The following ITGAV variants were observed in gnomAD, a reference collection of about 807,000 sequenced individuals.
The protein encoded by ITGAV is integrin subunit alpha V.
Under a neutral mutation model 143.8 loss-of-function variants are expected in ITGAV, and 76 were observed. That is an observed-to-expected ratio of 0.53 (90% CI 0.44 to 0.64). The LOEUF (loss-of-function observed/expected upper bound fraction) is 0.64, where lower values mean the gene tolerates loss of function less well. Among genes scored for constraint, ITGAV ranks in the 30% least tolerant of loss-of-function variants. ITGAV has a pLI of 0.00. For synonymous variants in ITGAV, 453 were observed against 446.7 expected (o/e 1.01, Z -0.18); for missense variants, 1,193 against 1,274.7 (o/e 0.94, Z 0.98).
At chr2:186,641,981 A>G (rs543829733) in intron 12 of ITGAV, among the ~76,000 whole-genome samples, 5 of 152,302 alleles carry the variant, frequency 3.3e-5, no homozygotes, top group African/African-American at 1.2e-4. Context: ...TTGTCAAGGC[A>G]ATGCTGACTA....
intron 25 of ITGAV, among the ~76,000 whole-genome samples, chr2:186,669,127 C>T (rs527854792): frequency 5.9e-5 from 9 of 152,192 alleles, no homozygotes; most frequent in Middle Eastern, 3.2e-3. Flanking sequence ...TGAACCACAT[C>T]TTCATAGAGT....
intron 21 of ITGAV, among the ~76,000 whole-genome samples, chr2:186,665,611 A>T (rs999841333): frequency 6.6e-6 from 1 of 152,210 alleles, no homozygotes; most frequent in Non-Finnish European, 1.5e-5. Flanking sequence ...CACACAGAGG[A>T]TCAAAGTGAA....
intron 2 of ITGAV, 96 bp downstream of exon 2, chr2:186,602,247 T>C: frequency 2.2e-6 from 2 of 919,712 alleles, no homozygotes; most frequent in Non-Finnish European, 3.3e-6. Flanking sequence ...TACAATTATA[T>C]AGATAAGCAC....
chr2:186,604,983 A>G (rs1687019914), intron 2 of ITGAV, among the ~76,000 whole-genome samples: 1 of 152,190 alleles, frequency 6.6e-6, no homozygotes, highest in Non-Finnish European at 1.5e-5. Flanking sequence ...CACCTGGACT[A>G]TTGCCCTAGA....
chr2:186,631,375 A>AT (rs1377051722), intron 5 of ITGAV, among the ~76,000 whole-genome samples: 1 of 152,172 alleles, frequency 6.6e-6, no homozygotes, highest in Non-Finnish European at 1.5e-5. Flanking sequence ...GGCTCTATGT[A>AT]TTTTTAACTA....
intron 2 of ITGAV, among the ~76,000 whole-genome samples, chr2:186,618,478 A>G (rs1363896492): frequency 6.6e-6 from 1 of 152,226 alleles, no homozygotes; most frequent in Non-Finnish European, 1.5e-5. Flanking sequence ...GATATCCATA[A>G]CTGTTAAGGC....
At position 186,652,428 on chromosome 2, in the gene ITGAV, G is replaced by A. The variant is rs1367239634; in HGVS notation, c.1505+339G>A. Among the ~76,000 whole-genome samples the A allele has an allele frequency of 3.3e-5, 5 of 152,244 alleles. No individual in the cohort carries two copies. In the East Asian group the frequency reaches 9.7e-4, roughly 29 times the overall value. On this transcript the variant is annotated intron_variant, in intron 15 of 29. Coordinates refer to ENST00000261023, the MANE Select transcript of ITGAV (RefSeq NM_002210.5). ...TGGTCTCGAAGACCGCTGTGCTCAA[G>A]CAGTCATCCTGCCTCAGCCTCCTAA...
chr2:186,613,398 A>G (rs556461444), intron 2 of ITGAV, among the ~76,000 whole-genome samples: 2 of 152,206 alleles, frequency 1.3e-5, no homozygotes, highest in Admixed American at 6.5e-5. Flanking sequence ...ATGAATACCA[A>G]TCCCAGTGAA....
At chr2:186,600,713 C>T (rs1234558256) in intron 1 of ITGAV, among the ~76,000 whole-genome samples, 1 of 152,328 alleles carries the variant, frequency 6.6e-6, no homozygotes, top group African/African-American at 2.4e-5. Context: ...AATCCCAGCA[C>T]TTTGGGAGGC....
chr2:186,598,874 G>A (rs1300297826), intron 1 of ITGAV, among the ~76,000 whole-genome samples: 1 of 152,170 alleles, frequency 6.6e-6, no homozygotes, highest in East Asian at 1.9e-4. Context: ...AATAGGGCGT[G>A]GTTTGGTTGG....
intron 1 of ITGAV, among the ~76,000 whole-genome samples, chr2:186,593,163 G>C (rs1272512352): frequency 6.6e-6 from 1 of 152,206 alleles, no homozygotes; most frequent in Non-Finnish European, 1.5e-5. Flanking sequence ...AGGAGCAGTG[G>C]TTGTGACGTC....
intron 1 of ITGAV, 118 bp downstream of exon 1, chr2:186,590,641 C>G (rs2105639793): frequency 1.1e-6 from 1 of 925,274 alleles, no homozygotes; most frequent in Non-Finnish European, 1.6e-6. Flanking sequence ...TCTCACCCAT[C>G]CTACCTCTCA....
Position 186,646,769 on chromosome 2 carries a change from G to T in ITGAV, c.1243G>T (p.Ala415Ser), listed in dbSNP as rs543038574. The T allele has an allele frequency of 2.7e-5, 43 of 1,612,808 alleles. No homozygotes were observed. Among genetic ancestry groups the T allele is most frequent in the Non-Finnish European group, 3.6e-5 (42 of 1,179,298 alleles). Residue 415 changes from alanine (A) to serine (S), a missense_variant, in exon 13 of 30, where the codon GCA becomes TCA. Transcript: ENST00000261023. ...IFNGRSTGLN[A>S]VPSQILEGQW... ...CAATGGAAGATCAACAGGCTTGAAC[G>T]CAGTCCCATCTCAAATCCTTGAAGG...
chr2:186,617,664 GAGAA>G (rs1455807235), intron 2 of ITGAV, among the ~76,000 whole-genome samples: 11 of 152,080 alleles, frequency 7.2e-5, no homozygotes, highest in African/African-American at 2.4e-4. Flanking sequence ...AACTTTATTA[GAGAA>G]AGAGATTTAA....
intron 3 of ITGAV, 114 bp from the exon 4 acceptor site, chr2:186,625,359 G>A: frequency 1.5e-6 from 1 of 663,986 alleles, no homozygotes. Flanking sequence ...GCAACAGACT[G>A]AGACCCCATC....
In ITGAV at chr2:186,677,287, A is replaced by G. The variant is rs1175304492; in HGVS notation, c.3142A>G (p.Thr1048Ala). The stretch of plus-strand genomic sequence containing the variant: ...TGAAAATGGTGAAGGAAACTCAGAA[A>G]CTTAACTGCAGTTTTTAAGTTATGC... ...PHENGEGNSE[T>A] The change falls in exon 30 of 30, where the codon ACT becomes GCT. Residue 1048 changes from threonine (T) to alanine (A), a missense_variant. Coordinates refer to ENST00000261023, the MANE Select transcript of ITGAV (RefSeq NM_002210.5). The G allele has an allele frequency of 1.2e-6, 2 of 1,610,532 alleles. No individual in the cohort carries two copies. The highest frequency in any genetic ancestry group is 3.3e-5 in the Admixed American group (2 of 59,930).
chr2:186,675,721 A>T lies in ITGAV; in HGVS notation c.2820+4A>T, dbSNP rs1689189171. 1 of 1,599,686 alleles carries T rather than the reference A, an allele frequency of 6.3e-7. No homozygotes were observed. The highest frequency in any genetic ancestry group is 8.6e-7 in the Non-Finnish European group (1 of 1,167,028). On this transcript the variant is annotated splice_donor_region_variant and intron_variant, in intron 27 of 29. Transcript: ENST00000261023. ...GTGGACTGAGACTTTTATGAATGTA[A>T]GTAGACAGGTGCAGCATTTAGCAAA...
rs201434983 is a variant in ITGAV at position 186,677,261 on chromosome 2, A to T, written c.3116A>T (p.His1039Leu). Residue 1039 changes from histidine to leucine, a missense_variant, in exon 30 of 30, where the codon CAT (histidine) becomes CTT (leucine). Transcript: ENST00000261023. ...CAAGAAAGGGAGCAGCTTCAACCTC[A>T]TGAAAATGGTGAAGGAAACTCAGAA... Reference protein sequence around the residue: ...EEQEREQLQPHENGEGNSET With the variant: ...EEQEREQLQPLENGEGNSET The T allele has an allele frequency of 6.2e-7, 1 of 1,613,086 alleles. No homozygotes were observed. The highest frequency in any genetic ancestry group is 1.3e-5 in the African/African-American group (1 of 74,900).
chr2:186,590,292 G>C lies in ITGAV; in HGVS notation c.-47G>C. 6.9e-7 allele frequency: 1 copy of C among 1,446,656 alleles called. No homozygotes were observed. The highest frequency in any genetic ancestry group is 9.1e-7 in the Non-Finnish European group (1 of 1,098,474). 89.6% of individuals were successfully genotyped at this position (1,446,656 alleles called of 1,614,324 possible). A position where few individuals can be genotyped will look rare whatever the true frequency, so the allele number is the denominator to read the frequency against. ...CACTGGGCGCCTCGCTGGGGCGGGG[G>C]GAGGTGGCTACCGCTCCCGGCTTGG... On this transcript the variant is annotated 5_prime_UTR_variant, in exon 1 of 30. Coordinates refer to ENST00000261023, the MANE Select transcript of ITGAV (RefSeq NM_002210.5).
Sources: gnomAD v4.1 joint callset for allele counts (sites outside exome capture counted in the v4.1 genomes callset) on GRCh38, gnomAD v4.1.1 for gene constraint, MANE v1.5 for transcripts, NCBI Gene and HGNC (gene_info 2026-07-23, HGNC 2026-07-21) for gene names.